ZNF214: variants seen among roughly 807,000 people sequenced by gnomAD.
ZNF214 encodes zinc finger protein 214, also known as BWSCR2-associated zinc finger protein 1.
A neutral mutation model predicts 53.9 loss-of-function variants in ZNF214; 43 were observed. That is an observed-to-expected ratio of 0.80 (90% confidence interval 0.63 to 1.03). The LOEUF (loss-of-function observed/expected upper bound fraction) is 1.03, where lower values mean the gene tolerates loss of function less well. Among genes scored for constraint, ZNF214 ranks in the 50% least tolerant of loss-of-function variants. The pLI is 0.00. For synonymous variants in ZNF214, 217 were observed against 229.5 expected (o/e 0.95, Z 0.49); for missense variants, 724 against 719.1 (o/e 1.01, Z -0.08).
Position 7,000,518 on chromosome 11 carries a change from C to T in ZNF214, c.1165G>A (p.Asp389Asn), listed in dbSNP as rs1851308696. 2.5e-6 allele frequency: 4 copies of T among 1,612,402 alleles called. No homozygotes were observed. The South Asian group carries it at 3.3e-5, about 13-fold the overall frequency. ...TGGCTGAAACCCTTACCACACTCAT[C>T]ACACTTATATGGTTTTTCTCCTGTG... ...VHTGEKPYKC[D>N]ECGKGFSQSS... is the part of the protein sequence containing the mutation. The change falls in exon 3 of 3, where the codon GAT (aspartate) becomes AAT (asparagine). Residue 389 changes from aspartate (D) to asparagine (N), a missense_variant. Asp to Asn is a conservative substitution (Grantham distance 23, BLOSUM62 1). Transcript: ENST00000278314.
chr11:7,013,201 T>G (rs1422892873), intron 1 of ZNF214, among the ~76,000 whole-genome samples: 1 of 152,226 alleles, frequency 6.6e-6, no homozygotes, highest in African/African-American at 2.4e-5. Context: ...ATCCTATCAC[T>G]TCTACTGTAC....
intron 1 of ZNF214, among the ~76,000 whole-genome samples, chr11:7,010,440 G>A (rs1851577842): frequency 6.6e-6 from 1 of 151,856 alleles, no homozygotes; most frequent in Admixed American, 6.6e-5. Flanking sequence ...GTGAGAGGAG[G>A]AAGAGGATAA....
intron 1 of ZNF214, chr11:7,016,167 G>A (rs1851760690): frequency 6.6e-6 from 1 of 152,086 alleles, no homozygotes; most frequent in South Asian, 2.1e-4. Flanking sequence ...GTCCAGCACT[G>A]TTCTAAGTTA....
At chr11:7,005,773 G>C (rs34661059) in intron 1 of ZNF214, among the ~76,000 whole-genome samples, 1 of 151,942 alleles carries the variant, frequency 6.6e-6, no homozygotes, top group African/African-American at 2.4e-5. Context: ...GATTTCATTA[G>C]GTTTTACAAA....
rs1851229191 is a variant in ZNF214 at position 6,998,095 on chromosome 11, T to C, written c.*1767A>G. Among the ~76,000 whole-genome samples, 1 of 151,938 alleles carries C rather than the reference T, an allele frequency of 6.6e-6. No individual in the cohort carries two copies. The highest frequency in any genetic ancestry group is 6.6e-5 in the Admixed American group (1 of 15,236). On this transcript the variant is annotated 3_prime_UTR_variant, in exon 3 of 3. Coordinates refer to ENST00000278314, the MANE Select transcript of ZNF214 (RefSeq NM_013249.4). Reference sequence around the variant, plus strand: ...CAAAAATATTTGTTTCCTGCACATATGAAAGACACTTTTGTTATAAAACTG... The same window carrying C: ...CAAAAATATTTGTTTCCTGCACATACGAAAGACACTTTTGTTATAAAACTG...
At position 7,014,808 on chromosome 11, in the gene ZNF214, AAAAAAAAAAAAC is replaced by A. The variant is rs985195097; in HGVS notation, c.-21+5253_-21+5264del. On this transcript the variant is annotated intron_variant, in intron 1 of 2. Coordinates refer to ENST00000278314, the MANE Select transcript of ZNF214 (RefSeq NM_013249.4). ...ATGGCGAAACCCTGTCTCTAACAAA[AAAAAAAAAAAAC>A]AAAAAAAAAACACTACCCAGGAGGT... 2.0e-5 allele frequency among the ~76,000 whole-genome samples: 3 copies of A among 146,604 alleles called. 1 individual carries two copies. The highest frequency in any genetic ancestry group is 4.4e-4 in the South Asian group (2 of 4,540).
intron 1 of ZNF214, among the ~76,000 whole-genome samples, chr11:7,018,691 G>T (rs1015482209): frequency 3.3e-5 from 5 of 151,786 alleles, no homozygotes; most frequent in African/African-American, 9.7e-5. Flanking sequence ...TAGTAAAGAC[G>T]AGGTTTCACC....
rs767696332 is a variant in ZNF214 at position 7,001,283 on chromosome 11, T to C, written c.400A>G (p.Lys134Glu). The C allele has an allele frequency of 4.3e-5, 70 of 1,613,100 alleles. No individual in the cohort carries two copies. Among genetic ancestry groups the C allele is most frequent in the Non-Finnish European group, 5.6e-5 (66 of 1,179,470 alleles). The change falls in exon 3 of 3, where the codon AAA (lysine) becomes GAA (glutamate). Residue 134 changes from lysine to glutamate, a missense_variant. Physicochemically the swap from Lys to Glu is moderately conservative, Grantham distance 56. Coordinates refer to ENST00000278314, the MANE Select transcript of ZNF214 (RefSeq NM_013249.4). ...ESKSLRNLKYKNFMPWQSLET... is the reference protein window; with the variant it reads ...ESKSLRNLKYENFMPWQSLET... ...AAGGACTGCCAAGGCATAAAATTTT[T>C]ATATTTTAAGTTCCTGAGACTTTTG... is the stretch of plus-strand genomic sequence containing the variant.
rs1366105265 is a variant in ZNF214, at chr11:6,998,204, AC to A, written c.*1657del. On this transcript the variant is annotated 3_prime_UTR_variant, in exon 3 of 3. Coordinates refer to ENST00000278314, the MANE Select transcript of ZNF214 (RefSeq NM_013249.4). The stretch of plus-strand genomic sequence containing the variant: ...GTTACTGTTGCAGAGCTCTGTATCC[AC>A]CCTCCCTTTCTGGTTTTGCAGATAA... Among the ~76,000 whole-genome samples, 1 of 151,488 alleles carries A rather than the reference AC, an allele frequency of 6.6e-6. No homozygotes were observed. The highest frequency in any genetic ancestry group is 1.5e-5 in the Non-Finnish European group (1 of 67,784).
chr11:7,013,330 T>C (rs1336220707), intron 1 of ZNF214, among the ~76,000 whole-genome samples: 1 of 152,078 alleles, frequency 6.6e-6, no homozygotes, highest in Non-Finnish European at 1.5e-5. Flanking sequence ...ACAGCATAAA[T>C]TGTAAGTGTT....
chr11:7,010,934 G>A (rs796808546), intron 1 of ZNF214, among the ~76,000 whole-genome samples: 6 of 145,912 alleles, frequency 4.1e-5, no homozygotes, highest in African/African-American at 1.2e-4. Flanking sequence ...TAAATAAATG[G>A]ATCAATTCCC....
At position 7,000,158 on chromosome 11, in the gene ZNF214, G is replaced by C; in HGVS notation, c.1525C>G (p.Gln509Glu). 6.2e-7 allele frequency: 1 copy of C among 1,613,324 alleles called. No individual in the cohort carries two copies. Among genetic ancestry groups the C allele is most frequent in the Middle Eastern group, 1.7e-4 (1 of 6,058 alleles). Residue 509 changes from glutamine to glutamate, a missense_variant, in exon 3 of 3, where the codon CAG (glutamine) becomes GAG (glutamate). By Grantham distance (29) the Gln-to-Glu change is conservative. Coordinates refer to ENST00000278314, the MANE Select transcript of ZNF214 (RefSeq NM_013249.4). ...TGATGAATGAGAAGATGTGAACGCT[G>C]ACTGAATCCCTTGCCACACTCTTCA... ...KCEECGKGFS[Q>E]RSHLLIHQRV...
At chr11:7,019,892 G>C (rs7926373) in intron 1 of ZNF214, 181 bp downstream of exon 1, 47,498 of 152,066 alleles carry the variant, frequency 0.31, 7,712 homozygotes, top group African/African-American at 0.36. Context: ...ACACACGAAC[G>C]GTTCTCTAGG....
intron 1 of ZNF214, among the ~76,000 whole-genome samples, chr11:7,003,292 A>T (rs1851397153): frequency 6.6e-6 from 1 of 152,004 alleles, no homozygotes; most frequent in African/African-American, 2.4e-5. Context: ...TTGATCACAC[A>T]TTCTCAATTC....
At chr11:7,005,701 T>G (rs1030179423) in intron 1 of ZNF214, among the ~76,000 whole-genome samples, 2 of 152,152 alleles carry the variant, frequency 1.3e-5, no homozygotes, top group Non-Finnish European at 2.9e-5. Flanking sequence ...CCTTCCATTC[T>G]AAGATTCTCT....
At position 7,001,239 on chromosome 11, in the gene ZNF214, T is replaced by C. The variant is rs1018266764; in HGVS notation, c.444A>G (p.Gln148=). The C allele has an allele frequency of 5.6e-6, 9 of 1,613,154 alleles. No homozygotes were observed. The African/African-American group carries it at 1.1e-4, about 19-fold the overall frequency. ...TCATGTAGATTTCTCTACCATAGTCTTGAGTGGTTTTTGTTTCTAAGGACT... is the reference window on the plus strand; with the variant it reads ...TCATGTAGATTTCTCTACCATAGTCCTGAGTGGTTTTTGTTTCTAAGGACT... The part of the protein sequence containing the change: ...PWQSLETKTT[Q]DYGREIYMSG... The change falls in exon 3 of 3, where the codon CAA becomes CAG. Residue 148 remains glutamine (Q), a synonymous_variant. Transcript: ENST00000278314.
intron 1 of ZNF214, among the ~76,000 whole-genome samples, chr11:7,017,479 A>AAAAAGC (rs1463764878): frequency 6.6e-6 from 1 of 152,192 alleles, no homozygotes. Context: ...TTTCCCCAGT[A>AAAAAGC]AAAAGCAAAC....
At chr11:7,006,247 C>T (rs549643213) in intron 1 of ZNF214, among the ~76,000 whole-genome samples, 10 of 152,140 alleles carry the variant, frequency 6.6e-5, no homozygotes, top group African/African-American at 2.4e-4. Context: ...ATTTCCTTGA[C>T]CAACTAGGAT....
At chr11:7,015,480 G>A (rs7350530) in intron 1 of ZNF214, among the ~76,000 whole-genome samples, 138,459 of 151,936 alleles carry the variant, frequency 0.91, 63,846 homozygotes, top group East Asian at 1. Context: ...GGGAGGCTGA[G>A]GCATGAGAAT....
Sources: gnomAD v4.1 joint callset for allele counts (sites outside exome capture counted in the v4.1 genomes callset) on GRCh38, gnomAD v4.1.1 for gene constraint, MANE v1.5 for transcripts, NCBI Gene and HGNC (gene_info 2026-07-23, HGNC 2026-07-21) for gene names.